Variants in CSMD1 observed in about 807,000 individuals in gnomAD.
CSMD1 encodes the protein CUB and Sushi multiple domains 1.
A neutral mutation model predicts 417.5 loss-of-function variants in CSMD1; 213 were observed. That is an observed-to-expected ratio of 0.51 (90% CI 0.46 to 0.57). The LOEUF (loss-of-function observed/expected upper bound fraction) is 0.57. CSMD1 is among the 20% of genes least tolerant of loss of function. The probability of loss-of-function intolerance (pLI) is 0.00; values close to 1 mark genes in which losing one functional copy is unlikely to be tolerated. For synonymous variants in CSMD1, 2,862 were observed against 1,736.8 expected (o/e 1.65, Z -16.11); for missense variants, 6,923 against 4,529.7 (o/e 1.53, Z -15.17).
chr8:3,911,803 A>T (rs1808484527), intron 5 of CSMD1, among the ~76,000 whole-genome samples: 1 of 152,174 alleles, frequency 6.6e-6, no homozygotes, highest in Admixed American at 6.5e-5. Context: ...AAACTTGTAA[A>T]TTCTGTCTAA....
chr8:4,713,985 AAC>A (rs1563200872), intron 1 of CSMD1, among the ~76,000 whole-genome samples: 1 of 152,046 alleles, frequency 6.6e-6, no homozygotes, highest in Non-Finnish European at 1.5e-5. Context: ...TCTCCACTAA[AAC>A]TACAAAAATT....
At chr8:3,152,366 T>C (rs959263969) in intron 39 of CSMD1, among the ~76,000 whole-genome samples, 1 of 152,240 alleles carries the variant, frequency 6.6e-6, no homozygotes, top group Non-Finnish European at 1.5e-5. Context: ...TATTCCAAAA[T>C]TAATGCAAAT....
intron 22 of CSMD1, among the ~76,000 whole-genome samples, chr8:3,345,419 TG>T (rs1223982758): frequency 6.6e-6 from 1 of 151,904 alleles, no homozygotes; most frequent in East Asian, 1.9e-4. Context: ...TGTATGTCGT[TG>T]ATGAACATGG....
intron 36 of CSMD1, among the ~76,000 whole-genome samples, chr8:3,184,412 C>T (rs1204794901): frequency 6.6e-6 from 1 of 152,164 alleles, no homozygotes; most frequent in Non-Finnish European, 1.5e-5. Flanking sequence ...CTCATCAAAT[C>T]CTTAAAGGCA....
intron 7 of CSMD1, among the ~76,000 whole-genome samples, chr8:3,688,320 C>T (rs1360792375): frequency 1.3e-5 from 2 of 152,096 alleles, no homozygotes; most frequent in Non-Finnish European, 2.9e-5. Context: ...TTTAAATGTG[C>T]TAAGCCTTAC....
At chr8:4,859,215 G>A (rs1278855284) in intron 1 of CSMD1, among the ~76,000 whole-genome samples, 7 of 151,844 alleles carry the variant, frequency 4.6e-5, no homozygotes, top group African/African-American at 1.7e-4. Flanking sequence ...CTAGCCATAT[G>A]TAGAAAGCTG....
At chr8:4,073,110 A>G (rs1374285785) in intron 3 of CSMD1, among the ~76,000 whole-genome samples, 2 of 152,128 alleles carry the variant, frequency 1.3e-5, no homozygotes, top group African/African-American at 4.8e-5. Context: ...TCCTGTTACC[A>G]TCATGATTCT....
intron 7 of CSMD1, among the ~76,000 whole-genome samples, chr8:3,652,188 C>T (rs534336436): frequency 6.7e-6 from 1 of 150,138 alleles, no homozygotes; most frequent in Admixed American, 6.7e-5. Context: ...AGAACACCTA[C>T]CACCTTCAGC....
intron 10 of CSMD1, among the ~76,000 whole-genome samples, chr8:3,530,280 T>C (rs985077226): frequency 1.3e-5 from 2 of 152,222 alleles, no homozygotes; most frequent in South Asian, 2.1e-4. Context: ...TATATTTTAA[T>C]GTGATGGTTT....
chr8:4,323,978 C>T (rs1161944807), intron 3 of CSMD1, among the ~76,000 whole-genome samples: 2 of 152,156 alleles, frequency 1.3e-5, no homozygotes, highest in South Asian at 4.1e-4. Flanking sequence ...CCTGCTGCCT[C>T]AAGGACTTCA....
At chr8:3,907,337 T>G (rs1287217122) in intron 5 of CSMD1, among the ~76,000 whole-genome samples, 11 of 152,218 alleles carry the variant, frequency 7.2e-5, no homozygotes, top group Non-Finnish European at 5.9e-5. Context: ...TTCTAAAAGT[T>G]ATAATTAGAA....
intron 52 of CSMD1, among the ~76,000 whole-genome samples, chr8:3,017,380 A>G (rs1183457374): frequency 6.6e-6 from 1 of 152,222 alleles, no homozygotes; most frequent in Non-Finnish European, 1.5e-5. Flanking sequence ...AGAAGCATAC[A>G]TAGTCCAAGG....
At chr8:4,247,826 T>C (rs1024211385) in intron 3 of CSMD1, among the ~76,000 whole-genome samples, 39 of 152,332 alleles carry the variant, frequency 2.6e-4, no homozygotes, top group African/African-American at 9.4e-4. Context: ...AAGTTCACTT[T>C]GTGACATTAT....
chr8:3,749,032 G>C (rs574810743), intron 6 of CSMD1, among the ~76,000 whole-genome samples: 1 of 152,290 alleles, frequency 6.6e-6, no homozygotes, highest in African/African-American at 2.4e-5. Flanking sequence ...CCGGGTAAAG[G>C]TGTGTAAAAC....
chr8:3,774,685 A>G (rs1016354326), intron 5 of CSMD1, among the ~76,000 whole-genome samples: 3 of 152,276 alleles, frequency 2.0e-5, no homozygotes, highest in African/African-American at 7.2e-5. Flanking sequence ...AGTTTGACTA[A>G]TGCTAAGTGC....
chr8:4,133,818 A>T (rs1178420127), intron 3 of CSMD1, among the ~76,000 whole-genome samples: 2 of 152,178 alleles, frequency 1.3e-5, no homozygotes, highest in Non-Finnish European at 2.9e-5. Context: ...ACCATGCCTG[A>T]TCTCCTCTGA....
intron 25 of CSMD1, among the ~76,000 whole-genome samples, chr8:3,289,760 C>G (rs533391850): frequency 6.8e-6 from 1 of 147,090 alleles, no homozygotes; most frequent in Admixed American, 6.7e-5. Flanking sequence ...CAATAATTTT[C>G]TCCCATTCTG....
In CSMD1 at chr8:3,321,548, A is replaced by G. The variant is rs77786817; in HGVS notation, c.3632-13045T>C. ...ATGCAAATACCCCATTACTTCGTCT[A>G]GAAATGAACCTCCCTGAACGCACGG... On this transcript the variant is annotated intron_variant, in intron 23 of 69. Coordinates refer to ENST00000635120, the MANE Select transcript of CSMD1 (RefSeq NM_033225.6). 2.0e-3 allele frequency among the ~76,000 whole-genome samples: 307 copies of G among 152,290 alleles called. 5 individuals carry two copies. The East Asian group carries it at 0.024, about 12-fold the overall frequency.
intron 1 of CSMD1, among the ~76,000 whole-genome samples, chr8:4,901,946 C>A (rs763069549): frequency 1.3e-5 from 2 of 152,182 alleles, no homozygotes; most frequent in Non-Finnish European, 2.9e-5. Flanking sequence ...TTGATCTTCA[C>A]AACCAGAGGT....
Sources: allele counts gnomAD v4.1 joint callset (sites outside exome capture counted in the v4.1 genomes callset), GRCh38; gene constraint gnomAD v4.1.1; transcripts MANE v1.5; gene names NCBI Gene and HGNC (gene_info 2026-07-23, HGNC 2026-07-21).